TTN: variants seen among roughly 807,000 people sequenced by gnomAD.
The protein encoded by TTN is titin, also known as connectin.
A neutral mutation model predicts 3,223.0 loss-of-function variants in TTN; 1,525 were observed. The observed-to-expected ratio is 0.47, with a 90% CI of 0.45 to 0.49. The LOEUF (loss-of-function observed/expected upper bound fraction) is 0.49. TTN is among the 20% of genes least tolerant of loss of function. The pLI, the probability that TTN is intolerant of heterozygous loss-of-function variation, is 0.00. For missense variants in TTN, 40,786 were observed against 43,424.0 expected (o/e 0.94, Z 5.40); for synonymous variants, 14,094 against 15,161.0 (o/e 0.93, Z 5.17).
chr2:178,770,295 C>T lies in TTN; in HGVS notation c.8406G>A (p.Lys2802=). The change falls in exon 36 of 363, where the codon AAG becomes AAA. Residue 2802 remains lysine (K), a synonymous_variant. Coordinates refer to ENST00000589042, the MANE Select transcript of TTN (RefSeq NM_001267550.2). ...TGGCATTTTCCAAGGCTGTCACATC[C>T]TTTGGCTTTTTAATGATCTTGACAG... ...VETVKIIKKP[K]DVTALENATV... is the part of the protein sequence containing the mutation. 1 of 1,614,132 alleles carries T rather than the reference C, an allele frequency of 6.2e-7. No individual in the cohort carries two copies. Among genetic ancestry groups the T allele is most frequent in the African/African-American group, 1.3e-5 (1 of 75,048 alleles).
At chr2:178,638,566 T>C (rs555624431) in intron 223 of TTN, among the ~76,000 whole-genome samples, 2 of 151,686 alleles carry the variant, frequency 1.3e-5, no homozygotes, top group South Asian at 4.1e-4. Flanking sequence ...CTTTTTTTTT[T>C]TTTAAATTCA....
chr2:178,739,726 A>T lies in TTN; in HGVS notation c.13507T>A (p.Leu4503Met). Reference sequence around the variant, plus strand: ...GAAAAAGAATCCATTTCTTCTTGCAAACTTGTTTTGGCTCCTTGCTGAATT... The same window carrying T: ...GAAAAAGAATCCATTTCTTCTTGCATACTTGTTTTGGCTCCTTGCTGAATT... The part of the protein sequence containing the change: ...PRIQQGAKTS[L>M]QEEMDSFSGS... The change falls in exon 48 of 363, where the codon TTG (leucine) becomes ATG (methionine). Residue 4503 changes from leucine to methionine, a missense_variant. By Grantham distance (15) the Leu-to-Met change is conservative. Coordinates refer to ENST00000589042, the MANE Select transcript of TTN (RefSeq NM_001267550.2). 1 of 1,613,874 alleles carries T rather than the reference A, an allele frequency of 6.2e-7. No homozygotes were observed. Among genetic ancestry groups the T allele is most frequent in the Non-Finnish European group, 8.5e-7 (1 of 1,179,820 alleles).
intron 354 of TTN, chr2:178,538,265 A>C (rs1002773838): frequency 2.1e-6 from 1 of 465,724 alleles, no homozygotes; most frequent in Non-Finnish European, 3.7e-6. Flanking sequence ...TGACCTTTCA[A>C]ATCTTGTTGG....
chr2:178,528,183 G>T, intron 361 of TTN, 91 bp downstream of exon 361: 1 of 1,392,880 alleles, frequency 7.2e-7, no homozygotes, highest in Non-Finnish European at 9.7e-7. Flanking sequence ...ATTTAATAAG[G>T]CTTCTTAGAG....
In TTN at chr2:178,688,638, C is replaced by T. The variant is rs908799123; in HGVS notation, c.32197+39G>A. ...AAGAAGAAGAGACTTTGAGGAAACA[C>T]ACACAAACTCATTTATCCCCTGACT... On this transcript the variant is annotated intron_variant, in intron 126 of 362. Transcript: ENST00000589042. 4 of 1,374,258 alleles carry T rather than the reference C, an allele frequency of 2.9e-6. No individual in the cohort carries two copies. In the Admixed American group the frequency reaches 6.7e-5, roughly 23 times the overall value. The allele number at this position is 1,374,258 out of a possible 1,614,324, so 85.1% of individuals were successfully genotyped here.
rs2049883330 is a variant in TTN, at chr2:178,590,076, G to A, written c.61649C>T (p.Ser20550Leu). The A allele has an allele frequency of 6.2e-7, 1 of 1,613,084 alleles. No homozygotes were observed. The highest frequency in any genetic ancestry group is 8.5e-7 in the Non-Finnish European group (1 of 1,179,490). Residue 20550 changes from serine to leucine, a missense_variant, in exon 304 of 363, where the codon TCA becomes TTA. Ser to Leu is a moderately radical substitution (Grantham distance 145). Transcript: ENST00000589042. ...VRADHGKYII[S>L]AKNSSGHAQG... ...GGCATGTCCACTGCTGTTCTTAGCT[G>A]AGATGATATACTTGCCATGATCAGC...
rs2077125375 is a variant in TTN at position 178,714,281 on chromosome 2, T to G, written c.26482+11A>C. On this transcript the variant is annotated intron_variant, in intron 91 of 362. Coordinates refer to ENST00000589042, the MANE Select transcript of TTN (RefSeq NM_001267550.2). ...GCCTTGTATCTGTGATAACATCATC[T>G]TTTTACTAACCGAGAACGGATAGCG... 1.9e-6 allele frequency: 3 copies of G among 1,608,036 alleles called. No homozygotes were observed. The highest frequency in any genetic ancestry group is 2.7e-5 in the African/African-American group (2 of 74,688).
Position 178,554,998 on chromosome 2 carries a change from C to A in TTN, c.88461G>T (p.Val29487=), listed in dbSNP as rs1559235431. The part of the protein sequence containing the change: ...DDKELQTNAL[V]CVENTTDLAS... Reference sequence around the variant, plus strand: ...CGAGGTCCGTGGTATTTTCAACACACACCAGTGCATTGGTTTGTAATTCTT... The same window carrying A: ...CGAGGTCCGTGGTATTTTCAACACAAACCAGTGCATTGGTTTGTAATTCTT... Residue 29487 remains valine (V), a synonymous_variant, in exon 331 of 363, where the codon GTG becomes GTT. Transcript: ENST00000589042. 6.2e-7 allele frequency: 1 copy of A among 1,613,690 alleles called. No individual in the cohort carries two copies. Among genetic ancestry groups the A allele is most frequent in the East Asian group, 2.2e-5 (1 of 44,784 alleles).
intron 155 of TTN, 104 bp from the exon 156 acceptor site, chr2:178,671,274 A>G: frequency 1.4e-6 from 1 of 711,224 alleles, no homozygotes; most frequent in Non-Finnish European, 2.2e-6. Flanking sequence ...CTTTATCTAT[A>G]TTTTTTTAAT....
chr2:178,548,746 G>T lies in TTN; in HGVS notation c.92880C>A (p.Ser30960Arg), dbSNP rs968631165. 9.3e-6 allele frequency: 15 copies of T among 1,613,542 alleles called. No individual in the cohort carries two copies. The highest frequency in any genetic ancestry group is 1.3e-5 in the Non-Finnish European group (15 of 1,179,808). ...GAAGGCTAAGGTTAGAGTCTGGTTT[G>T]CTCCACACAGCTGTAGGAGTAGGTC... ...QGRPTPTAVW[S>R]KPDSNLSLRA... is the part of the protein sequence containing the mutation. Residue 30960 changes from serine to arginine, a missense_variant, in exon 339 of 363, where the codon AGC becomes AGA. Coordinates refer to ENST00000589042, the MANE Select transcript of TTN (RefSeq NM_001267550.2). This position sits in a 1 kb window ranked among gnomAD's most constrained non-coding sequence, Gnocchi z 4.3.
At chr2:178,786,654 T>C (rs1383214713) in intron 13 of TTN, among the ~76,000 whole-genome samples, 1 of 152,168 alleles carries the variant, frequency 6.6e-6, no homozygotes, top group Non-Finnish European at 1.5e-5. Context: ...GGACATAACA[T>C]GAAAGCTCAC....
chr2:178,708,089 T>C (rs371933923), intron 99 of TTN, among the ~76,000 whole-genome samples: 11 of 152,190 alleles, frequency 7.2e-5, no homozygotes, highest in African/African-American at 2.4e-4. Context: ...ACTGCAGACA[T>C]TGGCAGTTAC....
chr2:178,550,677 T>TGAG (rs1699067027), intron 336 of TTN: 2 of 446,858 alleles, frequency 4.5e-6, no homozygotes, highest in East Asian at 9.2e-5. Context: ...ACACTTATTC[T>TGAG]CGAGAACCTT....
At chr2:178,528,147 AGTTGGCT>A in intron 361 of TTN, 120 bp downstream of exon 361, 1 of 1,049,010 alleles carries the variant, frequency 9.5e-7, no homozygotes, top group Non-Finnish European at 1.4e-6. Context: ...AATTCACATC[AGTTGGCT>A]GTCCCTCTTT....
In TTN at chr2:178,529,006, G is replaced by T. The variant is rs770129208; in HGVS notation, c.106745C>A (p.Thr35582Asn). The T allele has an allele frequency of 1.9e-6, 3 of 1,613,854 alleles. No individual in the cohort carries two copies. The highest frequency in any genetic ancestry group is 2.2e-5 in the East Asian group (1 of 44,904). The change falls in exon 360 of 363, where the codon ACC becomes AAC. Residue 35582 changes from threonine to asparagine, a missense_variant. By Grantham distance (65) the Thr-to-Asn change is moderately conservative. Transcript: ENST00000589042. ...ATGGACAATGGATTTTTCCAGGGAG[G>T]TTGCTGCTGATTTCTTGACTTCTTC... ...ISEEVKKSAA[T>N]SLEKSIVHEE...
At chr2:178,678,333 A>G (rs1396074517) in intron 144 of TTN, 81 bp downstream of exon 144, 5 of 1,500,714 alleles carry the variant, frequency 3.3e-6, no homozygotes, top group Admixed American at 4.2e-5. Context: ...AAAATGTACA[A>G]TGTAATGGGG....
rs1273672615 is a variant in TTN, at chr2:178,577,899, CTAAAACA to C, written c.68528-8_68528-2del. The C allele has an allele frequency of 6.3e-7, 1 of 1,581,904 alleles. No homozygotes were observed. The highest frequency in any genetic ancestry group is 2.3e-5 in the East Asian group (1 of 44,358). On this transcript the variant is annotated splice_acceptor_variant and splice_polypyrimidine_tract_variant and intron_variant, in intron 322 of 362. Transcript: ENST00000589042. LOFTEE classifies it high-confidence loss of function. ...ATAACCTCAGGTTTTCCAGGAGGAT[CTAAAACA>C]TAAAAGCAAAACCAGTCAAACAAAT... is the stretch of plus-strand genomic sequence containing the variant.
At position 178,568,336 on chromosome 2, in the gene TTN, A is replaced by G. The variant is rs918118542; in HGVS notation, c.77796T>C (p.Asp25932=). The G allele has an allele frequency of 2.5e-6, 4 of 1,613,288 alleles. No homozygotes were observed. Among genetic ancestry groups the G allele is most frequent in the Admixed American group, 1.7e-5 (1 of 59,936 alleles). ...CAACATCCCATACTGTGGTGGTTGT[A>G]TCTCTTTTCTGAACAATGTAGTTGG... is the stretch of plus-strand genomic sequence containing the variant. ...QITNYIVQKR[D]TTTTVWDVVS... is the part of the protein sequence containing the mutation. Residue 25932 remains aspartate, a synonymous_variant, in exon 326 of 363, where the codon GAT becomes GAC. Coordinates refer to ENST00000589042, the MANE Select transcript of TTN (RefSeq NM_001267550.2).
At chr2:178,581,405 G>T in intron 316 of TTN, 94 bp downstream of exon 316, 1 of 1,097,714 alleles carries the variant, frequency 9.1e-7, no homozygotes, top group Non-Finnish European at 1.3e-6. Context: ...TCTACACCTT[G>T]TTAATAAATT....
Sources: allele counts gnomAD v4.1 joint callset (sites outside exome capture counted in the v4.1 genomes callset), GRCh38; gene constraint gnomAD v4.1.1; non-coding constraint Gnocchi (gnomAD v3.1); transcripts MANE v1.5; gene names NCBI Gene and HGNC (gene_info 2026-07-23, HGNC 2026-07-21).